Variants in KIAA0408 observed in about 807,000 individuals in gnomAD.
KIAA0408 encodes the protein uncharacterized protein KIAA0408.
KIAA0408 carries 51 observed loss-of-function variants against 60.9 expected under a neutral mutation model. The observed-to-expected ratio is 0.84, with a 90% CI of 0.67 to 1.06. The LOEUF (loss-of-function observed/expected upper bound fraction) is 1.06, where lower values mean the gene tolerates loss of function less well. KIAA0408 is among the 50% of genes least tolerant of loss of function. The pLI is 0.00. For synonymous variants in KIAA0408, 304 were observed against 282.4 expected (o/e 1.08, Z -0.77); for missense variants, 787 against 833.9 (o/e 0.94, Z 0.69).
In KIAA0408 at chr6:127,444,042, C is replaced by A; in HGVS notation, c.*67G>T. ...GGAAGAGAACAGGTCCGCCTGTAAA[C>A]ACTCAGAATGCTCTGTTTGACAAGT... On this transcript the variant is annotated 3_prime_UTR_variant, in exon 6 of 6. Coordinates refer to ENST00000483725, the MANE Select transcript of KIAA0408 (RefSeq NM_014702.5). 6.7e-7 allele frequency: 1 copy of A among 1,482,748 alleles called. No individual in the cohort carries two copies. The highest frequency in any genetic ancestry group is 1.2e-5 in the South Asian group (1 of 86,382). 91.8% of individuals were successfully genotyped at this position (1,482,748 alleles called of 1,614,324 possible). A position where few individuals can be genotyped will look rare whatever the true frequency, so the allele number is the denominator to read the frequency against.
intron 1 of KIAA0408, among the ~76,000 whole-genome samples, chr6:127,456,265 TA>T (rs1773390827): frequency 6.6e-6 from 1 of 152,198 alleles, no homozygotes; most frequent in Admixed American, 6.6e-5. Flanking sequence ...CAACTGTCTT[TA>T]AACATTGGAA....
intron 2 of KIAA0408, among the ~76,000 whole-genome samples, 189 bp downstream of exon 2, chr6:127,453,658 T>G (rs1338584994): frequency 1.3e-5 from 2 of 152,094 alleles, no homozygotes; most frequent in Non-Finnish European, 2.9e-5. Context: ...TTTCATGCAA[T>G]GATATAAAAT....
chr6:127,456,642 G>A (rs1432994103), intron 1 of KIAA0408, among the ~76,000 whole-genome samples: 1 of 152,160 alleles, frequency 6.6e-6, no homozygotes, highest in African/African-American at 2.4e-5. Context: ...ACAAGCCTTT[G>A]CAAGAACATT....
At chr6:127,458,551 T>G (rs1773434248) in intron 1 of KIAA0408, among the ~76,000 whole-genome samples, 1 of 152,208 alleles carries the variant, frequency 6.6e-6, no homozygotes, top group Non-Finnish European at 1.5e-5. Context: ...AATGCAAACT[T>G]TAAAAGCAAA....
chr6:127,446,267 T>C (rs1402457712), intron 5 of KIAA0408, 141 bp downstream of exon 5: 20 of 1,414,464 alleles, frequency 1.4e-5, no homozygotes, highest in Admixed American at 2.3e-5. Flanking sequence ...GAGTTATATT[T>C]ATTTACAAAC....
At chr6:127,447,780 A>G (rs1322048514) in intron 4 of KIAA0408, 40 bp from the exon 5 acceptor site, 1 of 1,464,242 alleles carries the variant, frequency 6.8e-7, no homozygotes, top group Non-Finnish European at 9.0e-7. Flanking sequence ...TTATAACTTT[A>G]TTTAGAATAA....
At chr6:127,451,098 C>T in intron 2 of KIAA0408, 1 of 337,918 alleles carries the variant, frequency 3.0e-6, no homozygotes, top group East Asian at 7.7e-5. Context: ...CAGTTCACTT[C>T]TGAATAGAGG....
Position 127,454,038 on chromosome 6 carries a change from A to C in KIAA0408, c.-57T>G. ...TTCTGCTCTTCTCTGCCTCCTCTTA[A>C]CTGTTTCTTGGAAGCTTGAAGTTGT... On this transcript the variant is annotated 5_prime_UTR_variant, in exon 2 of 6. Coordinates refer to ENST00000483725, the MANE Select transcript of KIAA0408 (RefSeq NM_014702.5). 1 of 1,539,774 alleles carries C rather than the reference A, an allele frequency of 6.5e-7. No individual in the cohort carries two copies. Among genetic ancestry groups the C allele is most frequent in the Non-Finnish European group, 8.7e-7 (1 of 1,144,504 alleles).
chr6:127,449,440 A>T (rs1773259422), intron 4 of KIAA0408, among the ~76,000 whole-genome samples: 1 of 152,148 alleles, frequency 6.6e-6, no homozygotes, highest in Non-Finnish European at 1.5e-5. Flanking sequence ...ATTTGAGGTC[A>T]GGAGTTCGAG....
Position 127,450,341 on chromosome 6 carries a change from T to C in KIAA0408, c.147A>G (p.Glu49=). 2.5e-6 allele frequency: 4 copies of C among 1,592,710 alleles called. No homozygotes were observed. Among genetic ancestry groups the C allele is most frequent in the Non-Finnish European group, 3.4e-6 (4 of 1,173,198 alleles). ...MQKKIEELCR[E]VKLWRKININ... is the part of the protein sequence containing the mutation. ...TATTGATTTTCCTCCAAAGCTTTACTTCCCGGCAAAGCTGTAAGAAAAACA... is the reference window on the plus strand; with the variant it reads ...TATTGATTTTCCTCCAAAGCTTTACCTCCCGGCAAAGCTGTAAGAAAAACA... Residue 49 remains glutamate, a synonymous_variant, in exon 3 of 6, where the codon GAA becomes GAG. Transcript: ENST00000483725.
rs1562369810 is a variant in KIAA0408 at position 127,447,299 on chromosome 6, C to T, written c.1020G>A (p.Leu340=). The T allele has an allele frequency of 6.2e-7, 1 of 1,613,994 alleles. No individual in the cohort carries two copies. The change falls in exon 5 of 6, where the codon TTG becomes TTA. Residue 340 remains leucine, a synonymous_variant. Transcript: ENST00000483725. ...TGCTATCTATTTTGACTTCTGGTAC[C>T]AAAGAGGAAAAGATGATACCATCTT... is the stretch of plus-strand genomic sequence containing the variant. ...TSKDGIIFSS[L]VPEVKIDSKP...
At position 127,444,257 on chromosome 6, in the gene KIAA0408, T is replaced by C. The variant is rs769086481; in HGVS notation, c.1937A>G (p.His646Arg). ...AGCAGGTCGGGAAAATCCTTTTCCA[T>C]GTGAGGCGTTCACTGACATGGATTC... Reference protein sequence around the residue: ...TEESMSVNASHGKGFSRPARP... With the variant: ...TEESMSVNASRGKGFSRPARP... The change falls in exon 6 of 6, where the codon CAT becomes CGT. Residue 646 changes from histidine (H) to arginine (R), a missense_variant. His to Arg is a conservative substitution (Grantham distance 29). Around this residue, in one of 3 missense-constraint regions of KIAA0408, gnomAD observed 133 missense variants for 119.2 expected, o/e 1.12. Transcript: ENST00000483725. The C allele has an allele frequency of 1.9e-5, 31 of 1,601,162 alleles. No homozygotes were observed. The highest frequency in any genetic ancestry group is 2.6e-5 in the Non-Finnish European group (30 of 1,174,566).
At chr6:127,450,387 T>C in intron 2 of KIAA0408, 35 bp from the exon 3 acceptor site, 1 of 1,535,840 alleles carries the variant, frequency 6.5e-7, no homozygotes, top group Admixed American at 2.1e-5. Flanking sequence ...AAAACTTCTT[T>C]TCCCCTAATT....
rs1773215121 is a variant in KIAA0408 at position 127,447,199 on chromosome 6, A to G, written c.1120T>C (p.Ser374Pro). 1 of 1,612,332 alleles carries G rather than the reference A, an allele frequency of 6.2e-7. No individual in the cohort carries two copies. The highest frequency in any genetic ancestry group is 8.5e-7 in the Non-Finnish European group (1 of 1,179,392). Residue 374 changes from serine (S) to proline (P), a missense_variant, in exon 5 of 6, where the codon TCT (serine) becomes CCT (proline). This residue lies in a region of KIAA0408 where 640 missense variants were observed against 681.3 expected (regional missense o/e 0.94). Transcript: ENST00000483725. ...CAGGTTTTCTGAAACCACGAAGTAG[A>G]GGGGCTCCTTTTTGCACCTATCCCA... Reference protein sequence around the residue: ...DIGIGAKRSPSTSWFQKTCST... With the variant: ...DIGIGAKRSPPTSWFQKTCST...
chr6:127,456,555 AC>A (rs1773396231), intron 1 of KIAA0408, among the ~76,000 whole-genome samples: 1 of 152,130 alleles, frequency 6.6e-6, no homozygotes, highest in Non-Finnish European at 1.5e-5. Flanking sequence ...ATGGAGAAGG[AC>A]CAATGTATGG....
Position 127,447,588 on chromosome 6 carries a change from A to T in KIAA0408, c.731T>A (p.Leu244His). The T allele has an allele frequency of 6.2e-7, 1 of 1,612,664 alleles. No homozygotes were observed. The highest frequency in any genetic ancestry group is 8.5e-7 in the Non-Finnish European group (1 of 1,179,614). The change falls in exon 5 of 6, where the codon CTC (leucine) becomes CAC (histidine). Residue 244 changes from leucine (L) to histidine (H), a missense_variant. Coordinates refer to ENST00000483725, the MANE Select transcript of KIAA0408 (RefSeq NM_014702.5). ...ACATTTTTTCGTAGAATTGCTCTGG[A>T]GCACATTGGTACAGCTCAGATTCTT... Reference protein sequence around the residue: ...NRKNLSCTNVLQSNSTKKCGI... With the variant: ...NRKNLSCTNVHQSNSTKKCGI...
At position 127,444,033 on chromosome 6, in the gene KIAA0408, G is replaced by A. The variant is rs925005268; in HGVS notation, c.*76C>T. On this transcript the variant is annotated 3_prime_UTR_variant, in exon 6 of 6. Coordinates refer to ENST00000483725, the MANE Select transcript of KIAA0408 (RefSeq NM_014702.5). The stretch of plus-strand genomic sequence containing the variant: ...TTGCTTGTCGGAAGAGAACAGGTCC[G>A]CCTGTAAACACTCAGAATGCTCTGT... 18 of 1,375,422 alleles carry A rather than the reference G, an allele frequency of 1.3e-5. No homozygotes were observed. The highest frequency in any genetic ancestry group is 4.3e-5 in the African/African-American group (3 of 69,368). 85.2% of individuals were successfully genotyped at this position (1,375,422 alleles called of 1,614,324 possible).
intron 2 of KIAA0408, among the ~76,000 whole-genome samples, chr6:127,451,836 CAAT>C (rs1773307702): frequency 6.6e-6 from 1 of 152,028 alleles, no homozygotes; most frequent in Admixed American, 6.6e-5. Flanking sequence ...CAACAAATAA[CAAT>C]GTTATTGATG....
At position 127,441,841 on chromosome 6, in the gene KIAA0408, G is replaced by A. The variant is rs1773111939; in HGVS notation, c.*2268C>T. On this transcript the variant is annotated 3_prime_UTR_variant, in exon 6 of 6. Coordinates refer to ENST00000483725, the MANE Select transcript of KIAA0408 (RefSeq NM_014702.5). ...TTACAATCAAGGAGTTGGACTAGAT[G>A]CTATTTTTTTTTTCTCAGCTCTAAC... is the stretch of plus-strand genomic sequence containing the variant. The A allele has an allele frequency of 6.6e-6, 1 of 152,050 alleles. No homozygotes were observed. Among genetic ancestry groups the A allele is most frequent in the Admixed American group, 6.5e-5 (1 of 15,274 alleles). 9.4% of individuals were successfully genotyped at this position (152,050 alleles called of 1,614,324 possible). A position where few individuals can be genotyped will look rare whatever the true frequency, so the allele number is the denominator to read the frequency against.
Sources: gnomAD v4.1 joint callset for allele counts (sites outside exome capture counted in the v4.1 genomes callset) on GRCh38, gnomAD v4.1.1 for gene constraint, gnomAD v4.1.1 regional missense constraint, MANE v1.5 for transcripts, NCBI Gene and HGNC (gene_info 2026-07-23, HGNC 2026-07-21) for gene names.